Variants in C16orf74 observed in about 807,000 individuals in gnomAD.
C16orf74 encodes uncharacterized protein C16orf74.
In C16orf74, 10 loss-of-function variants were observed where a neutral mutation model predicts 6.5. The observed-to-expected ratio is 1.54, with a 90% confidence interval of 0.95 to 2.61. The LOEUF is 2.61. C16orf74 is among the 30% of genes most tolerant of loss of function. The pLI, the probability that C16orf74 is intolerant of heterozygous loss-of-function variation, is 0.00. For synonymous variants in C16orf74, 60 were observed against 42.5 expected, an observed-to-expected ratio of 1.41 and a Z score of -1.60; for missense variants, 141 against 105.9, an observed-to-expected ratio of 1.33 and a Z score of -1.45.
At position 85,735,231 on chromosome 16, in the gene C16orf74, C is replaced by T; in HGVS notation, c.-14G>A. The T allele has an allele frequency of 1.1e-5, 18 of 1,594,006 alleles. No homozygotes were observed. Among genetic ancestry groups the T allele is most frequent in the Non-Finnish European group, 1.5e-5 (18 of 1,170,172 alleles). ...CTTAAGCCCCATGTCGGCACCTCTG[C>T]AGGCCTGTGGAGAGAGGACAGCGCT... On this transcript the variant is annotated 5_prime_UTR_variant, in exon 2 of 4. Coordinates refer to ENST00000284245, the MANE Select transcript of C16orf74 (RefSeq NM_206967.3).
At position 85,727,217 on chromosome 16, in the gene C16orf74, C is replaced by T. The variant is rs185129624; in HGVS notation, c.28+7973G>A. ...GCAGAGCCAGGCATTCACACTGTCA[C>T]GGGGCCATATGGAGGGATTCTGGGT... On this transcript the variant is annotated intron_variant, in intron 2 of 3. Transcript: ENST00000284245. Among the ~76,000 whole-genome samples the T allele has an allele frequency of 4.0e-3, 605 of 152,292 alleles. 8 individuals carry two copies. The highest frequency in any genetic ancestry group is 0.013 in the African/African-American group (540 of 41,548).
intron 1 of C16orf74, among the ~76,000 whole-genome samples, chr16:85,747,196 T>C (rs2054383892): frequency 6.6e-6 from 1 of 152,292 alleles, no homozygotes; most frequent in African/African-American, 2.4e-5. Context: ...TTTGAGCACC[T>C]TTCTGTACAT....
chr16:85,723,066 C>G (rs1211981742), intron 2 of C16orf74, among the ~76,000 whole-genome samples: 1 of 151,952 alleles, frequency 6.6e-6, no homozygotes, highest in African/African-American at 2.4e-5. Flanking sequence ...GAAGACCAGC[C>G]TGGCAAACAT....
intron 1 of C16orf74, among the ~76,000 whole-genome samples, chr16:85,739,364 C>A (rs936886186): frequency 1.3e-5 from 2 of 152,150 alleles, no homozygotes; most frequent in African/African-American, 4.8e-5. Context: ...TCACAGCCCA[C>A]CCGGTGGATT....
intron 2 of C16orf74, among the ~76,000 whole-genome samples, chr16:85,733,393 G>A (rs1324591811): frequency 6.6e-6 from 1 of 152,162 alleles, no homozygotes; most frequent in Non-Finnish European, 1.5e-5. Context: ...CAAGGGCTGG[G>A]GAGGGAACGG....
chr16:85,709,210 T>A (rs2053942730), intron 3 of C16orf74, among the ~76,000 whole-genome samples: 1 of 152,006 alleles, frequency 6.6e-6, no homozygotes, highest in Non-Finnish European at 1.5e-5. Flanking sequence ...AAAAATTAGC[T>A]GGGCGTGGTG....
At chr16:85,726,816 G>A (rs946238782) in intron 2 of C16orf74, among the ~76,000 whole-genome samples, 7 of 152,098 alleles carry the variant, frequency 4.6e-5, no homozygotes, top group African/African-American at 1.4e-4. Context: ...CCTCTCCGGC[G>A]TTGTGGCCCC....
intron 1 of C16orf74, among the ~76,000 whole-genome samples, chr16:85,742,566 A>C (rs1451953971): frequency 6.6e-6 from 1 of 151,636 alleles, no homozygotes; most frequent in East Asian, 1.9e-4. Context: ...TTGGAGACAC[A>C]CTTTCACTCT....
At chr16:85,747,562 G>A (rs1023781462) in intron 1 of C16orf74, among the ~76,000 whole-genome samples, 1 of 152,090 alleles carries the variant, frequency 6.6e-6, no homozygotes, top group Non-Finnish European at 1.5e-5. Flanking sequence ...GGGGCTGAAG[G>A]TCTCTTTCTT....
intron 1 of C16orf74, among the ~76,000 whole-genome samples, chr16:85,748,672 C>T (rs533636851): frequency 1.6e-4 from 24 of 152,240 alleles, no homozygotes; most frequent in African/African-American, 2.6e-4. Context: ...GTCTGGGTTA[C>T]GATAAGGAGT....
chr16:85,741,376 C>T (rs1343161979), intron 1 of C16orf74, among the ~76,000 whole-genome samples: 1 of 152,110 alleles, frequency 6.6e-6, no homozygotes. Context: ...TACCTCAAAA[C>T]ACACAGGGGA....
At chr16:85,719,253 C>A (rs446292) in intron 2 of C16orf74, among the ~76,000 whole-genome samples, 56,952 of 152,108 alleles carry the variant, frequency 0.37, 11,235 homozygotes, top group African/African-American at 0.49. Context: ...GACACTGCTG[C>A]GGAAAGAACG....
intron 2 of C16orf74, among the ~76,000 whole-genome samples, chr16:85,734,731 C>A (rs940712706): frequency 1.2e-4 from 19 of 152,222 alleles, no homozygotes; most frequent in Non-Finnish European, 2.2e-4. Flanking sequence ...CCTTTGCTAA[C>A]ACCCACAACA....
intron 1 of C16orf74, among the ~76,000 whole-genome samples, chr16:85,736,446 G>A (rs924904157): frequency 1.3e-5 from 2 of 152,134 alleles, no homozygotes; most frequent in Admixed American, 6.5e-5. Context: ...GCCAGAAATC[G>A]GGGAGGTGAA....
intron 2 of C16orf74, among the ~76,000 whole-genome samples, chr16:85,713,554 T>C (rs1437801053): frequency 2.0e-5 from 3 of 152,194 alleles, no homozygotes; most frequent in Admixed American, 6.5e-5. Context: ...ATCAGAGGCA[T>C]GAGCCACAGC....
chr16:85,719,749 A>G (rs577806888), intron 2 of C16orf74, among the ~76,000 whole-genome samples: 1 of 152,052 alleles, frequency 6.6e-6, no homozygotes, highest in African/African-American at 2.4e-5. Flanking sequence ...TTCCCGAGGC[A>G]CCCACAGCAC....
chr16:85,742,191 G>A (rs1389137589), intron 1 of C16orf74, among the ~76,000 whole-genome samples: 1 of 152,158 alleles, frequency 6.6e-6, no homozygotes, highest in Non-Finnish European at 1.5e-5. Context: ...TGGCCAACAT[G>A]GCAAAACCCC....
At chr16:85,727,384 AC>A (rs1300999864) in intron 2 of C16orf74, among the ~76,000 whole-genome samples, 1 of 152,192 alleles carries the variant, frequency 6.6e-6, no homozygotes, top group Non-Finnish European at 1.5e-5. Context: ...TGGGGTCCCC[AC>A]AAAAACGAGG....
intron 1 of C16orf74, among the ~76,000 whole-genome samples, chr16:85,749,986 A>AG (rs943196603): frequency 4.6e-5 from 7 of 152,204 alleles, no homozygotes; most frequent in African/African-American, 1.7e-4. Context: ...TGCACAGGTG[A>AG]GGGTGCTTTT....
Sources: allele counts gnomAD v4.1 joint callset (sites outside exome capture counted in the v4.1 genomes callset), GRCh38; gene constraint gnomAD v4.1.1; transcripts MANE v1.5; gene names NCBI Gene and HGNC (gene_info 2026-07-23, HGNC 2026-07-21).